GDI2: variants seen among roughly 807,000 people sequenced by gnomAD.
GDI2 encodes the protein rab GDP dissociation inhibitor beta.
GDI2 carries 22 observed loss-of-function variants against 54.2 expected under a neutral mutation model. The ratio of observed to expected loss-of-function variants is 0.41; its 90% confidence interval spans 0.29 to 0.58. The LOEUF (loss-of-function observed/expected upper bound fraction) is 0.58, where lower values mean the gene tolerates loss of function less well. GDI2 is among the 20% of genes least tolerant of loss of function. The pLI, the probability that GDI2 is intolerant of heterozygous loss-of-function variation, is 0.35. For synonymous variants in GDI2, 177 were observed against 182.1 expected (o/e 0.97, Z 0.23); for missense variants, 422 against 546.0 (o/e 0.77, Z 2.26).
chr10:5,769,574 G>GAAAAAAAAA (rs549279365), intron 7 of GDI2, among the ~76,000 whole-genome samples: 1 of 83,700 alleles, frequency 1.2e-5, no homozygotes. Context: ...CGTCTCAAAA[G>GAAAAAAAAA]AAAAAAAAAA....
chr10:5,787,715 A>T (rs1357817886), intron 4 of GDI2, among the ~76,000 whole-genome samples: 1 of 152,248 alleles, frequency 6.6e-6, no homozygotes, highest in Non-Finnish European at 1.5e-5. Flanking sequence ...AGGCAAAAGG[A>T]AACATGAATC....
intron 4 of GDI2, among the ~76,000 whole-genome samples, chr10:5,789,951 T>G (rs1486156910): frequency 6.6e-6 from 1 of 152,228 alleles, no homozygotes; most frequent in African/African-American, 2.4e-5. Context: ...CATCTCTGCA[T>G]GAGCAGTTCA....
At chr10:5,784,571 C>G (rs1477318039) in intron 6 of GDI2, among the ~76,000 whole-genome samples, 1 of 152,200 alleles carries the variant, frequency 6.6e-6, no homozygotes, top group African/African-American at 2.4e-5. Context: ...GAGGGAAGAT[C>G]TGGAACTCAA....
chr10:5,776,929 TA>T lies in GDI2; in HGVS notation c.720-2989del. ...AAAACAGTTAATCCAGCAAAAAAATTAAAAGGGAAAACCACATAGAAGGGTA... is the reference window on the plus strand; with the variant it reads ...AAAACAGTTAATCCAGCAAAAAAATTAAAGGGAAAACCACATAGAAGGGTA... On this transcript the variant is annotated intron_variant, in intron 6 of 10. Coordinates refer to ENST00000380191, the MANE Select transcript of GDI2 (RefSeq NM_001494.4). This position sits in a 1 kb window ranked among gnomAD's most constrained non-coding sequence, Gnocchi z 5.3. 1.5e-6 allele frequency: 1 copy of T among 659,964 alleles called. No individual in the cohort carries two copies. The highest frequency in any genetic ancestry group is 2.5e-6 in the Non-Finnish European group (1 of 397,484). 40.9% of individuals were successfully genotyped at this position (659,964 alleles called of 1,614,324 possible). A position where few individuals can be genotyped will look rare whatever the true frequency, so the allele number is the denominator to read the frequency against.
chr10:5,794,186 AAAATATATATATATATATATATAT>A lies in GDI2; in HGVS notation c.388+675_388+698del, dbSNP rs1397472049. On this transcript the variant is annotated intron_variant, in intron 4 of 10. Transcript: ENST00000380191. Reference sequence around the variant, plus strand: ...TGTCTTTAAAAGAAAAAAAAAAAAAAAAATATATATATATATATATATATATATATATATATATATATATATAAA... The same window carrying A: ...TGTCTTTAAAAGAAAAAAAAAAAAAAATATATATATATATATATATATAAA... Among the ~76,000 whole-genome samples the A allele has an allele frequency of 6.6e-4, 31 of 46,670 alleles. 2 individuals are homozygous for A. Among genetic ancestry groups the A allele is most frequent in the Admixed American group, 1.3e-3 (4 of 3,032 alleles). The allele number at this position is 46,670 out of a possible 152,430, so 30.6% of individuals were successfully genotyped here.
chr10:5,813,089 G>T, intron 1 of GDI2, 125 bp downstream of exon 1: 1 of 577,262 alleles, frequency 1.7e-6, no homozygotes. Flanking sequence ...CACGACTCCC[G>T]TCCCGAAAAC....
At chr10:5,785,004 AATTTT>A in intron 6 of GDI2, 133 bp downstream of exon 6, 1 of 532,272 alleles carries the variant, frequency 1.9e-6, no homozygotes, top group Non-Finnish European at 3.1e-6. Context: ...ATTATATGTT[AATTTT>A]ATTTCAATAA....
chr10:5,813,369 A>T lies in GDI2; in HGVS notation c.-111T>A. ...GGGCGCGAAGGAAAGGGGAAGAGAA[A>T]GAGAGGAAAATGGAGCTGGCGACAA... On this transcript the variant is annotated 5_prime_UTR_variant, in exon 1 of 11. Coordinates refer to ENST00000380191, the MANE Select transcript of GDI2 (RefSeq NM_001494.4). 1.4e-6 allele frequency: 1 copy of T among 738,370 alleles called. No homozygotes were observed. Among genetic ancestry groups the T allele is most frequent in the South Asian group, 1.7e-5 (1 of 59,780 alleles). The allele number at this position is 738,370 out of a possible 1,614,324, so 45.7% of individuals were successfully genotyped here.
chr10:5,784,418 T>C (rs1049473151), intron 6 of GDI2, among the ~76,000 whole-genome samples: 2 of 152,260 alleles, frequency 1.3e-5, no homozygotes, highest in African/African-American at 4.8e-5. Flanking sequence ...GAATTCTTTT[T>C]CTGGCAATTC....
chr10:5,792,092 T>G (rs1347322762), intron 4 of GDI2, among the ~76,000 whole-genome samples: 1 of 152,132 alleles, frequency 6.6e-6, no homozygotes, highest in Non-Finnish European at 1.5e-5. Context: ...AAAAAAGAAT[T>G]AGAAGGTATG....
chr10:5,766,330 T>G lies in GDI2; in HGVS notation c.1137-35A>C. 1 of 1,551,382 alleles carries G rather than the reference T, an allele frequency of 6.4e-7. No homozygotes were observed. The highest frequency in any genetic ancestry group is 8.9e-7 in the Non-Finnish European group (1 of 1,122,694). On this transcript the variant is annotated intron_variant, in intron 9 of 10. Transcript: ENST00000380191. The surrounding 1 kb of genome is among the most constrained non-coding windows in gnomAD (Gnocchi z 5.8). ...GAGAGAATTCAGTCAGGTGAGCTGGTCCCACACCTGACCATGGCTCTGCCT... is the reference window on the plus strand; with the variant it reads ...GAGAGAATTCAGTCAGGTGAGCTGGGCCCACACCTGACCATGGCTCTGCCT...
intron 6 of GDI2, among the ~76,000 whole-genome samples, chr10:5,781,122 A>G (rs1038350689): frequency 1.3e-5 from 2 of 152,122 alleles, no homozygotes; most frequent in Non-Finnish European, 2.9e-5. Context: ...GACTACCTAG[A>G]AAAGGAAGTC....
chr10:5,783,450 A>AT (rs992891022), intron 6 of GDI2, among the ~76,000 whole-genome samples: 66 of 152,282 alleles, frequency 4.3e-4, no homozygotes, highest in African/African-American at 1.5e-3. Flanking sequence ...TACATTCAAC[A>AT]TTAGTATTGA....
chr10:5,779,644 G>A (rs985498513), intron 6 of GDI2, among the ~76,000 whole-genome samples: 1 of 150,922 alleles, frequency 6.6e-6, no homozygotes, highest in African/African-American at 2.4e-5. Context: ...CACATGAACA[G>A]GCATTCTCCG....
In GDI2 at chr10:5,776,508, G is replaced by A; in HGVS notation, c.720-2567C>T. 1.5e-6 allele frequency: 2 copies of A among 1,372,782 alleles called. No homozygotes were observed. The highest frequency in any genetic ancestry group is 1.4e-5 in the African/African-American group (1 of 70,258). The allele number at this position is 1,372,782 out of a possible 1,614,324, so 85.0% of individuals were successfully genotyped here. A position where few individuals can be genotyped will look rare whatever the true frequency, so the allele number is the denominator to read the frequency against. On this transcript the variant is annotated intron_variant, in intron 6 of 10. Transcript: ENST00000380191. The surrounding 1 kb of genome is among the most constrained non-coding windows in gnomAD (Gnocchi z 5.3). Reference sequence around the variant, plus strand: ...ATGTATTAGAAGCAAAGGCCCGAAAGATAAAACAATTATAGAGAAGCAGAT... The same window carrying A: ...ATGTATTAGAAGCAAAGGCCCGAAAAATAAAACAATTATAGAGAAGCAGAT...
chr10:5,794,124 G>A (rs1404078646), intron 4 of GDI2, among the ~76,000 whole-genome samples: 9 of 142,046 alleles, frequency 6.3e-5, no homozygotes, highest in East Asian at 4.2e-4. Context: ...CTGAGATCGC[G>A]CCATCACACT....
intron 6 of GDI2, among the ~76,000 whole-genome samples, chr10:5,781,622 C>A (rs1374997221): frequency 9.6e-5 from 10 of 104,618 alleles, no homozygotes; most frequent in Non-Finnish European, 1.8e-4. Flanking sequence ...CAGACTCTGT[C>A]TCCAAAAAAA....
chr10:5,766,472 G>C lies in GDI2; in HGVS notation c.1136+22C>G, dbSNP rs1376773513. 2 of 1,612,286 alleles carry C rather than the reference G, an allele frequency of 1.2e-6. No individual in the cohort carries two copies. Among genetic ancestry groups the C allele is most frequent in the Admixed American group, 3.3e-5 (2 of 60,020 alleles). The stretch of plus-strand genomic sequence containing the variant: ...AAAGGCCTCAGTTTGCATCTCGGCA[G>C]ATATAAAAGAACACAACTCACTTCT... On this transcript the variant is annotated intron_variant, in intron 9 of 10. Coordinates refer to ENST00000380191, the MANE Select transcript of GDI2 (RefSeq NM_001494.4). The surrounding 1 kb of genome is among the most constrained non-coding windows in gnomAD (Gnocchi z 5.8).
chr10:5,766,467 C>A lies in GDI2; in HGVS notation c.1136+27G>T. ...CAATCAAAGGCCTCAGTTTGCATCTCGGCAGATATAAAAGAACACAACTCA... is the reference window on the plus strand; with the variant it reads ...CAATCAAAGGCCTCAGTTTGCATCTAGGCAGATATAAAAGAACACAACTCA... On this transcript the variant is annotated intron_variant, in intron 9 of 10. Coordinates refer to ENST00000380191, the MANE Select transcript of GDI2 (RefSeq NM_001494.4). The surrounding 1 kb of genome is among the most constrained non-coding windows in gnomAD (Gnocchi z 5.8). 6.2e-7 allele frequency: 1 copy of A among 1,611,636 alleles called. No individual in the cohort carries two copies. Among genetic ancestry groups the A allele is most frequent in the Non-Finnish European group, 8.5e-7 (1 of 1,178,922 alleles).
Sources: allele counts gnomAD v4.1 joint callset (sites outside exome capture counted in the v4.1 genomes callset), GRCh38; gene constraint gnomAD v4.1.1; non-coding constraint Gnocchi (gnomAD v3.1); transcripts MANE v1.5; gene names NCBI Gene and HGNC (gene_info 2026-07-23, HGNC 2026-07-21).